The following ZNF136 variants were observed in gnomAD, a reference collection of about 807,000 sequenced individuals.
The protein encoded by ZNF136 is zinc finger protein 136, also known as zinc finger protein 136 (clone pHZ-20).
A neutral mutation model predicts 11.4 loss-of-function variants in ZNF136; 8 were observed. The ratio of observed to expected loss-of-function variants is 0.70; its 90% CI spans 0.41 to 1.27. The LOEUF is 1.27. Ranked by LOEUF, ZNF136 falls within the 50% of genes most tolerant of loss-of-function variation. The probability of loss-of-function intolerance (pLI) is 0.01; values close to 1 mark genes in which losing one functional copy is unlikely to be tolerated. For synonymous variants in ZNF136, 190 were observed against 207.1 expected, an observed-to-expected ratio of 0.92 and a Z score of 0.71; for missense variants, 590 against 656.5, an observed-to-expected ratio of 0.90 and a Z score of 1.11.
chr19:12,183,210 T>A (rs1375078655), intron 1 of ZNF136, among the ~76,000 whole-genome samples: 1 of 151,930 alleles, frequency 6.6e-6, no homozygotes, highest in Admixed American at 6.6e-5. Flanking sequence ...AGTGGCACAA[T>A]CACGTCTCAC....
chr19:12,179,717 G>C (rs1914894052), intron 1 of ZNF136, among the ~76,000 whole-genome samples: 1 of 152,066 alleles, frequency 6.6e-6, no homozygotes, highest in African/African-American at 2.4e-5. Flanking sequence ...GGTTATTTCT[G>C]GCCTTGGTTA....
Position 12,186,121 on chromosome 19 carries a change from A to T in ZNF136, c.138A>T (p.Lys46Asn), listed in dbSNP as rs754806055. The T allele has an allele frequency of 6.2e-7, 1 of 1,609,238 alleles. No individual in the cohort carries two copies. The highest frequency in any genetic ancestry group is 8.5e-7 in the Non-Finnish European group (1 of 1,178,848). The change falls in exon 3 of 4, where the codon AAA (lysine) becomes AAT (asparagine). Residue 46 changes from lysine to asparagine, a missense_variant. By Grantham distance (94) the Lys-to-Asn change is moderately conservative. Transcript: ENST00000343979. ...TMRNLASIGK[K>N]WKDQNIKDHY... ...TCTGGGTCTCTGTTTTAGGGAAAAAATGGAAGGACCAGAACATTAAAGATC... is the reference window on the plus strand; with the variant it reads ...TCTGGGTCTCTGTTTTAGGGAAAAATTGGAAGGACCAGAACATTAAAGATC...
At chr19:12,174,773 C>T (rs922476002) in intron 1 of ZNF136, among the ~76,000 whole-genome samples, 2 of 151,200 alleles carry the variant, frequency 1.3e-5, no homozygotes, top group East Asian at 3.9e-4. Context: ...GTAGCTGGGA[C>T]CACAGGCGCC....
At chr19:12,170,528 C>T (rs1914627630) in intron 1 of ZNF136, among the ~76,000 whole-genome samples, 1 of 152,002 alleles carries the variant, frequency 6.6e-6, no homozygotes, top group Non-Finnish European at 1.5e-5. Flanking sequence ...GCTGGGACTA[C>T]AGGCGTGTGC....
At chr19:12,169,370 A>G (rs1241143661) in intron 1 of ZNF136, 1 of 152,266 alleles carries the variant, frequency 6.6e-6, no homozygotes, top group African/African-American at 2.4e-5. Context: ...GAGCATTTCC[A>G]CACTGAGAAG....
chr19:12,163,115 A>G lies in ZNF136; in HGVS notation c.-89A>G. ...CGCTTCGCTAGTCCCAGAGGCCCAGAGTGGCTCGCCTGGAGTCTCTGTGGC... is the reference window on the plus strand; with the variant it reads ...CGCTTCGCTAGTCCCAGAGGCCCAGGGTGGCTCGCCTGGAGTCTCTGTGGC... On this transcript the variant is annotated 5_prime_UTR_variant, in exon 1 of 4. Transcript: ENST00000343979. The G allele has an allele frequency of 1.5e-6, 2 of 1,345,506 alleles. No individual in the cohort carries two copies. The highest frequency in any genetic ancestry group is 1.9e-6 in the Non-Finnish European group (2 of 1,033,878). 83.3% of individuals were successfully genotyped at this position (1,345,506 alleles called of 1,614,324 possible).
intron 1 of ZNF136, among the ~76,000 whole-genome samples, chr19:12,167,899 A>G (rs555091136): frequency 6.6e-5 from 10 of 152,256 alleles, no homozygotes; most frequent in African/African-American, 2.4e-4. Flanking sequence ...TTAAATAGAT[A>G]TGGTCATAGA....
chr19:12,186,891 G>A lies in ZNF136; in HGVS notation c.513G>A (p.Lys171=), dbSNP rs757688267. The change falls in exon 4 of 4, where the codon AAG becomes AAA. Residue 171 remains lysine, a synonymous_variant. Coordinates refer to ENST00000343979, the MANE Select transcript of ZNF136 (RefSeq NM_003437.5). The stretch of plus-strand genomic sequence containing the variant: ...CTGGAGAGAAACTCTATGATTGTAA[G>A]GAATGTGGAAAAACCTTCTTTTCTC... ...IHTGEKLYDC[K]ECGKTFFSLK... is the part of the protein sequence containing the mutation. 9 of 1,613,684 alleles carry A rather than the reference G, an allele frequency of 5.6e-6. No individual in the cohort carries two copies. Among genetic ancestry groups the A allele is most frequent in the Non-Finnish European group, 5.1e-6 (6 of 1,179,958 alleles).
intron 1 of ZNF136, among the ~76,000 whole-genome samples, chr19:12,175,748 T>TA (rs1302757585): frequency 6.6e-6 from 1 of 152,212 alleles, no homozygotes; most frequent in African/African-American, 2.4e-5. Context: ...ACATTTCTGT[T>TA]ATGGTGTAAT....
At chr19:12,176,518 G>C (rs562268188) in intron 1 of ZNF136, among the ~76,000 whole-genome samples, 1 of 152,004 alleles carries the variant, frequency 6.6e-6, no homozygotes, top group Non-Finnish European at 1.5e-5. Context: ...GTAGAGATGG[G>C]TTTTCACCAT....
At chr19:12,165,876 A>G (rs1295577257) in intron 1 of ZNF136, among the ~76,000 whole-genome samples, 1 of 152,222 alleles carries the variant, frequency 6.6e-6, no homozygotes, top group Non-Finnish European at 1.5e-5. Context: ...TGTATGTAGC[A>G]CGTCAGACTT....
At position 12,187,513 on chromosome 19, in the gene ZNF136, A is replaced by G; in HGVS notation, c.1135A>G (p.Met379Val). The G allele has an allele frequency of 1.2e-6, 2 of 1,613,198 alleles. No individual in the cohort carries two copies. The highest frequency in any genetic ancestry group is 1.1e-5 in the South Asian group (1 of 91,016). ...CGEAFSCIPS[M>V]RRHMIKHTGE... ...GGAAGCATTCAGTTGTATCCCAAGT[A>G]TGCGAAGACACATGATAAAACATAC... The change falls in exon 4 of 4, where the codon ATG (methionine) becomes GTG (valine). Residue 379 changes from methionine to valine, a missense_variant. Physicochemically the swap from Met to Val is conservative, Grantham distance 21 (BLOSUM62 1). Transcript: ENST00000343979.
intron 1 of ZNF136, among the ~76,000 whole-genome samples, chr19:12,181,657 C>G (rs912117119): frequency 6.6e-6 from 1 of 151,186 alleles, no homozygotes; most frequent in African/African-American, 2.4e-5. Flanking sequence ...TGGGGGGGGA[C>G]AGAGCCTCAC....
At chr19:12,174,984 G>A (rs1914754382) in intron 1 of ZNF136, among the ~76,000 whole-genome samples, 1 of 151,110 alleles carries the variant, frequency 6.6e-6, no homozygotes, top group East Asian at 2.0e-4. Context: ...AGCCTCCCGA[G>A]TAGCTGGGAC....
At position 12,181,534 on chromosome 19, in the gene ZNF136, G is replaced by T. The variant is rs1012438208; in HGVS notation, c.4-4251G>T. On this transcript the variant is annotated intron_variant, in intron 1 of 3. Transcript: ENST00000343979. ...GTCGCCGAGGCTGGAATGCAGTGGC[G>T]CAATCTCCACTCACTGCAATGTCCG... Among the ~76,000 whole-genome samples, 6 of 150,972 alleles carry T rather than the reference G, an allele frequency of 4.0e-5. No homozygotes were observed. The South Asian group carries it at 6.3e-4, about 16-fold the overall frequency.
intron 1 of ZNF136, chr19:12,163,816 G>C (rs1977147065): frequency 6.6e-6 from 1 of 152,230 alleles, no homozygotes. Flanking sequence ...CTTTCATCAA[G>C]GTTTGTTTTC....
At chr19:12,166,350 C>G (rs1977186828) in intron 1 of ZNF136, among the ~76,000 whole-genome samples, 1 of 152,074 alleles carries the variant, frequency 6.6e-6, no homozygotes, top group Non-Finnish European at 1.5e-5. Flanking sequence ...TGTTGGGTGA[C>G]TTGAAATGGA....
intron 1 of ZNF136, among the ~76,000 whole-genome samples, chr19:12,174,951 G>A (rs1415158469): frequency 4.1e-5 from 6 of 147,592 alleles, no homozygotes; most frequent in African/African-American, 7.6e-5. Flanking sequence ...TCTGCCTCCC[G>A]GTTCAAGCTG....
At chr19:12,180,239 A>G (rs538318521) in intron 1 of ZNF136, among the ~76,000 whole-genome samples, 4 of 152,250 alleles carry the variant, frequency 2.6e-5, no homozygotes, top group Non-Finnish European at 5.9e-5. Flanking sequence ...TTGTCAGAAT[A>G]TAAACCTAGC....
Sources: gnomAD v4.1 joint callset for allele counts (sites outside exome capture counted in the v4.1 genomes callset) on GRCh38, gnomAD v4.1.1 for gene constraint, MANE v1.5 for transcripts, NCBI Gene and HGNC (gene_info 2026-07-23, HGNC 2026-07-21) for gene names.